Variants in ATP7B observed in about 807,000 individuals in gnomAD.
ATP7B encodes the protein copper-transporting ATPase 2.
A neutral mutation model predicts 118.9 loss-of-function variants in ATP7B; 113 were observed. That is an observed-to-expected ratio of 0.95 (90% CI 0.82 to 1.11). The LOEUF is 1.11. Ranked by LOEUF, ATP7B falls within the 50% of genes most tolerant of loss-of-function variation. The probability of loss-of-function intolerance (pLI) is 0.00; values close to 1 mark genes in which losing one functional copy is unlikely to be tolerated. For missense variants in ATP7B, 1,867 were observed against 1,871.4 expected (o/e 1.00, Z 0.04); for synonymous variants, 777 against 727.4 (o/e 1.07, Z -1.10).
At chr13:51,980,046 T>C (rs949612556) in intron 1 of ATP7B, among the ~76,000 whole-genome samples, 1 of 152,218 alleles carries the variant, frequency 6.6e-6, no homozygotes, top group African/African-American at 2.4e-5. Context: ...ACACAGGGCA[T>C]ATGCATGCTT....
At position 51,950,042 on chromosome 13, in the gene ATP7B, T is replaced by A; in HGVS notation, c.2695A>T (p.Ile899Phe). 1 of 1,614,230 alleles carries A rather than the reference T, an allele frequency of 6.2e-7. No individual in the cohort carries two copies. The highest frequency in any genetic ancestry group is 8.5e-7 in the Non-Finnish European group (1 of 1,180,036). ...HVGNDTTLAQ[I>F]VKLVEEAQMS... ...TGAGCCTCTTCCACCAGTTTCACAA[T>A]CTGAGCCAAAGTGGTGTCATTGCCC... Residue 899 changes from isoleucine to phenylalanine, a missense_variant, in exon 11 of 21, where the codon ATT becomes TTT. Transcript: ENST00000242839.
chr13:52,010,079 G>A (rs935636404), intron 1 of ATP7B, among the ~76,000 whole-genome samples: 14 of 152,086 alleles, frequency 9.2e-5, no homozygotes, highest in Non-Finnish European at 2.1e-4. Context: ...TGATTTGGAA[G>A]GATAATGATT....
intron 1 of ATP7B, among the ~76,000 whole-genome samples, chr13:51,978,223 T>C (rs1013959462): frequency 1.3e-5 from 2 of 152,114 alleles, no homozygotes; most frequent in African/African-American, 4.8e-5. Flanking sequence ...AAAGATTTGC[T>C]TCACATAGCA....
At position 51,987,407 on chromosome 13, in the gene ATP7B, A is replaced by G. The variant is rs563667842; in HGVS notation, c.52-12239T>C. On this transcript the variant is annotated intron_variant, in intron 1 of 20. Transcript: ENST00000242839. ...ACTACAAACCACTGCTCAAGGAAAT[A>G]AGAGAGGACACAAACAAATGGAAAA... Among the ~76,000 whole-genome samples, 187 of 152,318 alleles carry G rather than the reference A, an allele frequency of 1.2e-3. 1 individual carries two copies. The highest frequency in any genetic ancestry group is 4.3e-3 in the African/African-American group (180 of 41,566).
intron 4 of ATP7B, among the ~76,000 whole-genome samples, chr13:51,966,313 C>T (rs1394447904): frequency 1.3e-5 from 2 of 152,204 alleles, no homozygotes; most frequent in African/African-American, 4.8e-5. Context: ...CCCAGATGGG[C>T]TGGCTCCAGA....
chr13:51,933,970 A>G lies in ATP7B; in HGVS notation c.*786T>C, dbSNP rs886050302. Reference sequence around the variant, plus strand: ...CTCACTCCAGCTGGTCAGCAACAACACTCTATTGAGAAGCCAACACTCCAT... The same window carrying G: ...CTCACTCCAGCTGGTCAGCAACAACGCTCTATTGAGAAGCCAACACTCCAT... On this transcript the variant is annotated 3_prime_UTR_variant, in exon 21 of 21. Transcript: ENST00000242839. The G allele has an allele frequency of 6.6e-6, 1 of 152,142 alleles. No individual in the cohort carries two copies. Among genetic ancestry groups the G allele is most frequent in the Non-Finnish European group, 1.5e-5 (1 of 68,176 alleles). The allele number at this position is 152,142 out of a possible 1,614,324, so 9.4% of individuals were successfully genotyped here.
At chr13:51,936,433 T>TGGGGGCA (rs1274643336) in intron 19 of ATP7B, among the ~76,000 whole-genome samples, 1 of 7,444 alleles carries the variant, frequency 1.3e-4, no homozygotes, top group Non-Finnish European at 2.4e-4. Flanking sequence ...GCCATGTTCC[T>TGGGGGCA]GGGGGCAGGG....
intron 13 of ATP7B, among the ~76,000 whole-genome samples, chr13:51,945,939 C>T (rs1416299687): frequency 2.6e-5 from 4 of 152,194 alleles, no homozygotes; most frequent in Non-Finnish European, 5.9e-5. Context: ...AGCCTGGCTA[C>T]CTGGGTGTGA....
intron 17 of ATP7B, among the ~76,000 whole-genome samples, chr13:51,938,794 GGA>G (rs1957131096): frequency 6.6e-6 from 1 of 152,180 alleles, no homozygotes; most frequent in Non-Finnish European, 1.5e-5. Context: ...GCAAAGACTG[GGA>G]AACGGTTAGA....
At chr13:51,988,189 A>G (rs1300497447) in intron 1 of ATP7B, among the ~76,000 whole-genome samples, 1 of 152,122 alleles carries the variant, frequency 6.6e-6, no homozygotes, top group East Asian at 1.9e-4. Context: ...CAGGATCTAC[A>G]AGGAACTTAA....
chr13:51,961,974 T>A, intron 5 of ATP7B, 61 bp from the exon 6 acceptor site: 3 of 1,425,546 alleles, frequency 2.1e-6, no homozygotes, highest in East Asian at 4.6e-5. Flanking sequence ...AAAATATGCA[T>A]TGGCAGAAAG....
At chr13:51,948,157 A>T (rs530059544) in intron 12 of ATP7B, among the ~76,000 whole-genome samples, 3 of 152,350 alleles carry the variant, frequency 2.0e-5, no homozygotes, top group Non-Finnish European at 2.9e-5. Flanking sequence ...AATTTGAGGG[A>T]GAAAATACAT....
At chr13:51,985,954 G>A (rs1377607601) in intron 1 of ATP7B, among the ~76,000 whole-genome samples, 1 of 152,092 alleles carries the variant, frequency 6.6e-6, no homozygotes. Context: ...GCCCACAAAA[G>A]AAAGCTGGAA....
At chr13:51,965,596 T>C (rs867284818) in intron 4 of ATP7B, among the ~76,000 whole-genome samples, 10 of 152,056 alleles carry the variant, frequency 6.6e-5, no homozygotes, top group East Asian at 1.9e-4. Context: ...AAGGTACAAA[T>C]AGGCTATTGA....
At chr13:52,003,362 G>A (rs1424560766) in intron 1 of ATP7B, among the ~76,000 whole-genome samples, 1 of 152,190 alleles carries the variant, frequency 6.6e-6, no homozygotes, top group Non-Finnish European at 1.5e-5. Context: ...GGGAGAGACA[G>A]AGACATGAAC....
At chr13:52,011,455 T>TCGGCG (rs148013251), upstream of ATP7B, 576,988 of 1,221,770 alleles carry the variant, frequency 0.47, 146,137 homozygotes, top group Non-Finnish European at 0.51. Flanking sequence ...TGTGAGGGCA[T>TCGGCG]CGGCGCGGCT....
At chr13:51,978,431 C>A (rs573673604) in intron 1 of ATP7B, among the ~76,000 whole-genome samples, 5 of 152,308 alleles carry the variant, frequency 3.3e-5, no homozygotes, top group African/African-American at 9.6e-5. Context: ...GGGAGTGTAA[C>A]CTCTCTGGAG....
At chr13:51,968,754 A>G (rs1204393262) in intron 3 of ATP7B, 147 bp from the exon 4 acceptor site, 6 of 1,013,738 alleles carry the variant, frequency 5.9e-6, no homozygotes, top group South Asian at 1.4e-5. Context: ...GAGGCTGCAC[A>G]TGAGGCTTGC....
chr13:51,989,238 C>A (rs1243408179), intron 1 of ATP7B, among the ~76,000 whole-genome samples: 2 of 152,178 alleles, frequency 1.3e-5, no homozygotes, highest in Non-Finnish European at 2.9e-5. Context: ...AAGCCCTTCA[C>A]TCTGGCCTTG....
Sources: allele counts gnomAD v4.1 joint callset (sites outside exome capture counted in the v4.1 genomes callset), GRCh38; gene constraint gnomAD v4.1.1; transcripts MANE v1.5; gene names NCBI Gene and HGNC (gene_info 2026-07-23, HGNC 2026-07-21).